Variants in ITPR3 observed in about 807,000 individuals in gnomAD.
ITPR3 encodes the protein inositol 1,4,5-trisphosphate receptor type 3.
ITPR3 carries 173 observed loss-of-function variants against 293.2 expected under a neutral mutation model. That is an observed-to-expected ratio of 0.59 (90% CI 0.52 to 0.67). The LOEUF is 0.67. ITPR3 is among the 30% of genes least tolerant of loss of function. The probability of loss-of-function intolerance (pLI) is 0.00; values close to 1 mark genes in which losing one functional copy is unlikely to be tolerated. For synonymous variants in ITPR3, 1,295 were observed against 1,444.4 expected (o/e 0.90, Z 2.35); for missense variants, 2,796 against 3,592.1 (o/e 0.78, Z 5.66).
rs779908404 is a variant in ITPR3, at chr6:33,688,038, G to A, written c.6265-19G>A. The stretch of plus-strand genomic sequence containing the variant: ...ATGTGGAGGCTGGGGCCTGACCTCC[G>A]CGCCCTCCCCACCTCCAGCTCAGCC... On this transcript the variant is annotated intron_variant, in intron 46 of 57. Transcript: ENST00000605930. 2.8e-5 allele frequency: 45 copies of A among 1,602,172 alleles called. No individual in the cohort carries two copies. The highest frequency in any genetic ancestry group is 6.7e-5 in the Admixed American group (4 of 59,546).
rs1764943293 is a variant in ITPR3, at chr6:33,677,614, G to A, written c.3633G>A (p.Gln1211=). 1 of 1,613,804 alleles carries A rather than the reference G, an allele frequency of 6.2e-7. No homozygotes were observed. Among genetic ancestry groups the A allele is most frequent in the Non-Finnish European group, 8.5e-7 (1 of 1,179,900 alleles). The change falls in exon 28 of 58, where the codon CAG becomes CAA. Residue 1211 remains glutamine (Q), a synonymous_variant. Transcript: ENST00000605930. ...ACAAGGTCATGCTGGACCTGCTGCA[G>A]ATCCCCTATGACAAGGTGGCTCTGA... ...DAHKVMLDLL[Q]IPYDKGDAKM...
chr6:33,680,540 T>C lies in ITPR3; in HGVS notation c.4351-15T>C. On this transcript the variant is annotated splice_polypyrimidine_tract_variant and intron_variant, in intron 32 of 57. Transcript: ENST00000605930. ...CATGTGAGGAGCCCCCAGCCATCCC[T>C]CTCTCCTGCCTCAGGTCTGCAGCAA... 6.2e-7 allele frequency: 1 copy of C among 1,612,828 alleles called. No individual in the cohort carries two copies.
Position 33,633,758 on chromosome 6 carries a change from G to GCGGGGCCGGGGC in ITPR3, c.90-6716_90-6705dup, listed in dbSNP as rs1183838580. Among the ~76,000 whole-genome samples the GCGGGGCCGGGGC allele has an allele frequency of 8.3e-5, 12 of 144,906 alleles. No individual in the cohort carries two copies. Among genetic ancestry groups the GCGGGGCCGGGGC allele is most frequent in the South Asian group, 2.1e-4 (1 of 4,738 alleles). On this transcript the variant is annotated intron_variant, in intron 1 of 57. Coordinates refer to ENST00000605930, the MANE Select transcript of ITPR3 (RefSeq NM_002224.4). The surrounding 1 kb of genome is among the most constrained non-coding windows in gnomAD (Gnocchi z 5.2). The stretch of plus-strand genomic sequence containing the variant: ...GTTTCGCTTCGCCGCGGGGGCGGGG[G>GCGGGGCCGGGGC]CGGGGCCGGGGCCGGGGCCGGACGC...
rs758615164 is a variant in ITPR3 at position 33,686,986 on chromosome 6, C to T, written c.5980-23C>T. The T allele has an allele frequency of 6.3e-6, 10 of 1,590,820 alleles. No homozygotes were observed. In the Admixed American group the frequency reaches 1.3e-4, roughly 21 times the overall value. On this transcript the variant is annotated intron_variant, in intron 43 of 57. Transcript: ENST00000605930. ...CATGGTGTCCTGAGACTGTGGCCTG[C>T]CTCCCTCTGCCCCTCCACCCAGGAC...
chr6:33,684,914 C>A lies in ITPR3; in HGVS notation c.5278C>A (p.Leu1760Met). 6.2e-7 allele frequency: 1 copy of A among 1,613,200 alleles called. No homozygotes were observed. The highest frequency in any genetic ancestry group is 8.5e-7 in the Non-Finnish European group (1 of 1,179,476). The change falls in exon 39 of 58, where the codon CTG becomes ATG. Residue 1760 changes from leucine to methionine, a missense_variant. Leu to Met is a conservative substitution (Grantham distance 15). Transcript: ENST00000605930. This position sits in a 1 kb window ranked among gnomAD's most constrained non-coding sequence, Gnocchi z 4.2. ...FQESIGLAIH[L>M]LDGGNTEIQK... ...GGAGAGCATCGGCCTGGCCATCCACCTGCTGGATGGTGGCAACACAGAGAT... is the reference window on the plus strand; with the variant it reads ...GGAGAGCATCGGCCTGGCCATCCACATGCTGGATGGTGGCAACACAGAGAT...
intron 33 of ITPR3, 105 bp downstream of exon 33, chr6:33,680,785 G>T: frequency 1.6e-6 from 2 of 1,251,658 alleles, no homozygotes; most frequent in Non-Finnish European, 2.2e-6. Context: ...AGTACAGAAA[G>T]AAGTAACAAA....
chr6:33,628,254 C>G lies in ITPR3; in HGVS notation c.89+6563C>G, dbSNP rs147497774. Among the ~76,000 whole-genome samples the G allele has an allele frequency of 5.9e-3, 899 of 152,324 alleles. 4 individuals are homozygous for G. The highest frequency in any genetic ancestry group is 0.051 in the Middle Eastern group (15 of 294). On this transcript the variant is annotated intron_variant, in intron 1 of 57. Transcript: ENST00000605930. ...TTCACCCCATGTGGGGCTGGGACAC[C>G]CCTCTCTGGGAGTGAGGGCTGTGTG...
Position 33,672,280 on chromosome 6 carries a change from G to A in ITPR3, c.2928+52G>A. ...GTGTTGGGTATAGGGGGAGGGTAATGGGGCGGGTACAGGGAGGCTGGGCAG... is the reference window on the plus strand; with the variant it reads ...GTGTTGGGTATAGGGGGAGGGTAATAGGGCGGGTACAGGGAGGCTGGGCAG... On this transcript the variant is annotated intron_variant, in intron 22 of 57. Transcript: ENST00000605930. This position sits in a 1 kb window ranked among gnomAD's most constrained non-coding sequence, Gnocchi z 5.0. 1 of 1,480,308 alleles carries A rather than the reference G, an allele frequency of 6.8e-7. No individual in the cohort carries two copies. Among genetic ancestry groups the A allele is most frequent in the Non-Finnish European group, 9.4e-7 (1 of 1,064,376 alleles). The allele number at this position is 1,480,308 out of a possible 1,614,324, so 91.7% of individuals were successfully genotyped here. A position where few individuals can be genotyped will look rare whatever the true frequency, so the allele number is the denominator to read the frequency against.
At chr6:33,676,681 AC>A in intron 25 of ITPR3, 86 bp from the exon 26 acceptor site, 1 of 1,500,926 alleles carries the variant, frequency 6.7e-7, no homozygotes, top group South Asian at 1.2e-5. Flanking sequence ...CAGGAGGGGA[AC>A]CCTAGAGTAA....
chr6:33,626,396 T>A (rs960125269), intron 1 of ITPR3, among the ~76,000 whole-genome samples: 4 of 152,332 alleles, frequency 2.6e-5, no homozygotes, highest in African/African-American at 7.2e-5. Context: ...TCACCATCTC[T>A]AGGGCTAAGG....
rs768032801 is a variant in ITPR3, at chr6:33,671,299, C to A, written c.2721C>A (p.Asp907Glu). 6.2e-7 allele frequency: 1 copy of A among 1,611,820 alleles called. No homozygotes were observed. The highest frequency in any genetic ancestry group is 8.5e-7 in the Non-Finnish European group (1 of 1,179,080). ...CGGCCATGCTGCAGGCCTATGAGGA[C>A]CCCGGTGGTGAGGCCTTTGCCCGGC... ...GPPAMLQAYE[D>E]PGGKNVRRSI... Residue 907 changes from aspartate to glutamate, a missense_variant, in exon 21 of 58, where the codon GAC (aspartate) becomes GAA (glutamate). This residue lies in a region of ITPR3 where 955 missense variants were observed against 1,180.8 expected (regional missense o/e 0.81). Transcript: ENST00000605930.
rs1308874252 is a variant in ITPR3 at position 33,684,171 on chromosome 6, G to A, written c.4937+3G>A. On this transcript the variant is annotated splice_donor_region_variant and intron_variant, in intron 36 of 57. Coordinates refer to ENST00000605930, the MANE Select transcript of ITPR3 (RefSeq NM_002224.4). The surrounding 1 kb of genome is among the most constrained non-coding windows in gnomAD (Gnocchi z 4.2). Reference sequence around the variant, plus strand: ...GAGAGTGGGGGCTTCCTGTCCAAGTGAGCGAGACACTGGGGCATGGGGGCA... The same window carrying A: ...GAGAGTGGGGGCTTCCTGTCCAAGTAAGCGAGACACTGGGGCATGGGGGCA... The A allele has an allele frequency of 6.2e-7, 1 of 1,609,982 alleles. No individual in the cohort carries two copies. The highest frequency in any genetic ancestry group is 1.3e-5 in the African/African-American group (1 of 74,810).
chr6:33,695,476 A>C (rs1765517422), intron 57 of ITPR3: 3 of 580,102 alleles, frequency 5.2e-6, no homozygotes, highest in Non-Finnish European at 9.2e-6. Context: ...AGCCTCTGTT[A>C]GTGGGCTGGT....
chr6:33,689,547 T>A, intron 50 of ITPR3, 137 bp downstream of exon 50: 2 of 960,926 alleles, frequency 2.1e-6, no homozygotes, highest in Non-Finnish European at 3.1e-6. Flanking sequence ...AAGTTCCTTA[T>A]AGACCGGTGG....
chr6:33,670,176 G>A lies in ITPR3; in HGVS notation c.2190-149G>A, dbSNP rs1008210491. On this transcript the variant is annotated intron_variant, in intron 18 of 57. Transcript: ENST00000605930. This position sits in a 1 kb window ranked among gnomAD's most constrained non-coding sequence, Gnocchi z 6.7. ...ACTGGTTATCACAGACAGGTTTTCCGTTCACCTTTCTAACTCAGAATTGCA... is the reference window on the plus strand; with the variant it reads ...ACTGGTTATCACAGACAGGTTTTCCATTCACCTTTCTAACTCAGAATTGCA... The A allele has an allele frequency of 1.6e-5, 13 of 822,474 alleles. No homozygotes were observed. The highest frequency in any genetic ancestry group is 2.6e-5 in the East Asian group (1 of 38,460). 50.9% of individuals were successfully genotyped at this position (822,474 alleles called of 1,614,324 possible).
rs1382219186 is a variant in ITPR3 at position 33,670,362 on chromosome 6, C to T, written c.2227C>T (p.Arg743Cys). ...LKLFARMCLDRQYLAIDEISQ... is the reference protein window; with the variant it reads ...LKLFARMCLDCQYLAIDEISQ... ...GCTCTTTGCCCGCATGTGCTTGGACCGCCAGTACTTGGCCATCGACGAGAT... is the reference window on the plus strand; with the variant it reads ...GCTCTTTGCCCGCATGTGCTTGGACTGCCAGTACTTGGCCATCGACGAGAT... The change falls in exon 19 of 58, where the codon CGC (arginine) becomes TGC (cysteine). Residue 743 changes from arginine (R) to cysteine (C), a missense_variant. Physicochemically the swap from Arg to Cys is radical, Grantham distance 180. Coordinates refer to ENST00000605930, the MANE Select transcript of ITPR3 (RefSeq NM_002224.4). The surrounding 1 kb of genome is among the most constrained non-coding windows in gnomAD (Gnocchi z 6.7). 3.7e-6 allele frequency: 6 copies of T among 1,613,972 alleles called. No homozygotes were observed. The highest frequency in any genetic ancestry group is 5.1e-6 in the Non-Finnish European group (6 of 1,180,040).
rs1763728247 is a variant in ITPR3, at chr6:33,633,363, C to G, written c.90-7121C>G. 6.6e-6 allele frequency among the ~76,000 whole-genome samples: 1 copy of G among 152,186 alleles called. No individual in the cohort carries two copies. The highest frequency in any genetic ancestry group is 6.5e-5 in the Admixed American group (1 of 15,280). On this transcript the variant is annotated intron_variant, in intron 1 of 57. Transcript: ENST00000605930. The surrounding 1 kb of genome is among the most constrained non-coding windows in gnomAD (Gnocchi z 5.2). ...GGGGGTGAAGCGAAGCGGCCACTTA[C>G]CCCTGTAGAGCGCGGCTCTGGTTTC...
chr6:33,678,852 C>G lies in ITPR3; in HGVS notation c.3972+13C>G. On this transcript the variant is annotated intron_variant, in intron 30 of 57. Coordinates refer to ENST00000605930, the MANE Select transcript of ITPR3 (RefSeq NM_002224.4). ...GATCATGACTGAGGTGAGGGCGGGG[C>G]TGAGGGGTGCTCAGGCATCTTGGGG... 6.2e-7 allele frequency: 1 copy of G among 1,607,366 alleles called. No homozygotes were observed. Among genetic ancestry groups the G allele is most frequent in the East Asian group, 2.2e-5 (1 of 44,680 alleles).
At chr6:33,657,354 C>T (rs1250115800) in intron 3 of ITPR3, among the ~76,000 whole-genome samples, 1 of 152,218 alleles carries the variant, frequency 6.6e-6, no homozygotes, top group Non-Finnish European at 1.5e-5. Context: ...AAACCAAATC[C>T]TCAAGGCCAC....
Sources: allele counts gnomAD v4.1 joint callset (sites outside exome capture counted in the v4.1 genomes callset), GRCh38; gene constraint gnomAD v4.1.1; regional missense constraint gnomAD v4.1.1; non-coding constraint Gnocchi (gnomAD v3.1); transcripts MANE v1.5; gene names NCBI Gene and HGNC (gene_info 2026-07-23, HGNC 2026-07-21).